The following FRMPD2 variants were observed in gnomAD, a reference collection of about 807,000 sequenced individuals.
FRMPD2 encodes the protein FERM and PDZ domain containing 2, also known as FERM and PDZ domain-containing protein 2.
In FRMPD2, 96 loss-of-function variants were observed where a neutral mutation model predicts 140.1. The observed-to-expected ratio is 0.69, with a 90% CI of 0.58 to 0.81. The LOEUF (loss-of-function observed/expected upper bound fraction) is 0.81. Among genes scored for constraint, FRMPD2 ranks in the 40% least tolerant of loss-of-function variants. The probability of loss-of-function intolerance (pLI) is 0.00; values close to 1 mark genes in which losing one functional copy is unlikely to be tolerated. For missense variants in FRMPD2, 1,240 were observed against 1,447.4 expected, an observed-to-expected ratio of 0.86 and a Z score of 2.32; for synonymous variants, 449 against 547.6, an observed-to-expected ratio of 0.82 and a Z score of 2.52.
At chr10:48,222,885 A>C (rs1436506690) in intron 11 of FRMPD2, among the ~76,000 whole-genome samples, 1 of 152,126 alleles carries the variant, frequency 6.6e-6, no homozygotes, top group Non-Finnish European at 1.5e-5. Context: ...CCTTGAGTGG[A>C]GTATGTCTGA....
chr10:48,199,631 A>T (rs1189657247), intron 15 of FRMPD2: 1 of 152,198 alleles, frequency 6.6e-6, no homozygotes, highest in African/African-American at 2.4e-5. Context: ...AAGGATTCCA[A>T]TCTAAACACA....
intron 7 of FRMPD2, among the ~76,000 whole-genome samples, chr10:48,238,905 G>A (rs1840031434): frequency 6.6e-6 from 1 of 152,230 alleles, no homozygotes. Context: ...CTTTAGGCCT[G>A]ATATGGCCAA....
intron 4 of FRMPD2, among the ~76,000 whole-genome samples, chr10:48,244,250 G>T (rs907074174): frequency 1.3e-5 from 2 of 152,206 alleles, no homozygotes; most frequent in African/African-American, 4.8e-5. Flanking sequence ...CTCCCAAAGT[G>T]CTGGGACTAT....
intron 20 of FRMPD2, among the ~76,000 whole-genome samples, chr10:48,183,762 G>A (rs1347316316): frequency 6.7e-6 from 1 of 149,556 alleles, no homozygotes; most frequent in East Asian, 2.0e-4. Flanking sequence ...TGAGGCAGGA[G>A]AATTGCTTGA....
Position 48,184,796 on chromosome 10 carries a change from T to A in FRMPD2, c.2445A>T (p.Glu815Asp). 1.9e-6 allele frequency: 3 copies of A among 1,613,600 alleles called. No homozygotes were observed. Among genetic ancestry groups the A allele is most frequent in the East Asian group, 4.5e-5 (2 of 44,840 alleles). The change falls in exon 19 of 29, where the codon GAA (glutamate) becomes GAT (aspartate). Residue 815 changes from glutamate (E) to aspartate (D), a missense_variant. By Grantham distance (45) the Glu-to-Asp change is conservative. Transcript: ENST00000374201. ...ISSIIPGGPA[E>D]KAKTIKPGGQ... is the part of the protein sequence containing the mutation. Reference sequence around the variant, plus strand: ...TACCTGGTTTGATCGTTTTTGCTTTTTCTGCTGGTCCTCCAGGTATAATAG... The same window carrying A: ...TACCTGGTTTGATCGTTTTTGCTTTATCTGCTGGTCCTCCAGGTATAATAG...
intron 8 of FRMPD2, among the ~76,000 whole-genome samples, chr10:48,236,942 T>A (rs1467619814): frequency 1.3e-5 from 2 of 152,214 alleles, no homozygotes; most frequent in Non-Finnish European, 2.9e-5. Flanking sequence ...TGAGCTGAAA[T>A]GTTTTCTAGC....
chr10:48,238,196 A>C (rs2131939815), intron 7 of FRMPD2, 73 bp from the exon 8 acceptor site: 6 of 1,526,368 alleles, frequency 3.9e-6, no homozygotes, highest in Non-Finnish European at 4.4e-6. Context: ...GACCACCCGC[A>C]CAGGGGCTCA....
At chr10:48,162,757 G>A (rs1176948227) in intron 28 of FRMPD2, among the ~76,000 whole-genome samples, 1 of 135,272 alleles carries the variant, frequency 7.4e-6, no homozygotes, top group Admixed American at 7.4e-5. Flanking sequence ...AATGTTGCAG[G>A]GTGGTCTTGA....
Position 48,184,547 on chromosome 10 carries a change from A to C in FRMPD2, c.2584+19T>G. 6.6e-7 allele frequency: 1 copy of C among 1,504,108 alleles called. No individual in the cohort carries two copies. The highest frequency in any genetic ancestry group is 9.3e-7 in the Non-Finnish European group (1 of 1,080,260). The allele number at this position is 1,504,108 out of a possible 1,614,324, so 93.2% of individuals were successfully genotyped here. A position where few individuals can be genotyped will look rare whatever the true frequency, so the allele number is the denominator to read the frequency against. ...AACAGGGGAGCCTCTTAAGCTCCCA[A>C]GAGTGGGTTAAAACATACCTTTTGA... On this transcript the variant is annotated intron_variant, in intron 20 of 28. Coordinates refer to ENST00000374201, the MANE Select transcript of FRMPD2 (RefSeq NM_001018071.4).
intron 1 of FRMPD2, among the ~76,000 whole-genome samples, chr10:48,272,121 A>G (rs1840779803): frequency 6.6e-6 from 1 of 152,192 alleles, no homozygotes; most frequent in Non-Finnish European, 1.5e-5. Flanking sequence ...TCATCTATTC[A>G]TGGTGTTCTT....
At position 48,157,105 on chromosome 10, in the gene FRMPD2, G is replaced by A. The variant is rs1347041624; in HGVS notation, c.*217C>T. 4.7e-5 allele frequency: 26 copies of A among 555,056 alleles called. No individual in the cohort carries two copies. Among genetic ancestry groups the A allele is most frequent in the East Asian group, 1.3e-4 (4 of 29,998 alleles). 34.4% of individuals were successfully genotyped at this position (555,056 alleles called of 1,614,324 possible). A position where few individuals can be genotyped will look rare whatever the true frequency, so the allele number is the denominator to read the frequency against. ...TGAAAATTTGCCTATTTAGAGATGC[G>A]GCAAGCTGAAGTGACATTTACTCCC... On this transcript the variant is annotated 3_prime_UTR_variant, in exon 29 of 29. Coordinates refer to ENST00000374201, the MANE Select transcript of FRMPD2 (RefSeq NM_001018071.4).
chr10:48,194,972 T>A (rs191305746), intron 15 of FRMPD2, among the ~76,000 whole-genome samples: 98 of 152,326 alleles, frequency 6.4e-4, no homozygotes, highest in Middle Eastern at 3.4e-3. Flanking sequence ...GTGGACAGTT[T>A]CTATTCCCTG....
chr10:48,206,888 A>G lies in FRMPD2; in HGVS notation c.1657T>C (p.Phe553Leu). Reference sequence around the variant, plus strand: ...TCTTCTGGCCTCCTCTTCTCTGAGAATACTTGGTGAACCAGCACACCGTAT... The same window carrying G: ...TCTTCTGGCCTCCTCTTCTCTGAGAGTACTTGGTGAACCAGCACACCGTAT... Reference protein sequence around the residue: ...PEYGVLVHQVFSEKRRPEEEM... With the variant: ...PEYGVLVHQVLSEKRRPEEEM... Residue 553 changes from phenylalanine to leucine, a missense_variant, in exon 14 of 29, where the codon TTC (phenylalanine) becomes CTC (leucine). Coordinates refer to ENST00000374201, the MANE Select transcript of FRMPD2 (RefSeq NM_001018071.4). 1 of 1,614,048 alleles carries G rather than the reference A, an allele frequency of 6.2e-7. No individual in the cohort carries two copies. Among genetic ancestry groups the G allele is most frequent in the East Asian group, 2.2e-5 (1 of 44,870 alleles).
chr10:48,227,186 C>T (rs557293073), intron 10 of FRMPD2, among the ~76,000 whole-genome samples: 2 of 152,308 alleles, frequency 1.3e-5, no homozygotes, highest in African/African-American at 4.8e-5. Context: ...TGAATTGTGA[C>T]TCTTGTGAAT....
intron 12 of FRMPD2, among the ~76,000 whole-genome samples, chr10:48,222,079 TAGAC>T (rs1451498149): frequency 2.0e-5 from 3 of 150,610 alleles, no homozygotes; most frequent in African/African-American, 2.4e-5. Context: ...GATGGAATGA[TAGAC>T]AGGTGAATAG....
chr10:48,248,838 T>C, intron 3 of FRMPD2, 183 bp downstream of exon 3: 1 of 469,362 alleles, frequency 2.1e-6, no homozygotes, highest in East Asian at 3.3e-5. Context: ...GGACTTGCCC[T>C]TGTCCATGAG....
At chr10:48,205,746 C>T (rs1839186091) in intron 14 of FRMPD2, among the ~76,000 whole-genome samples, 1 of 151,992 alleles carries the variant, frequency 6.6e-6, no homozygotes, top group Admixed American at 6.6e-5. Context: ...TTAAATTGTG[C>T]TCAATTATTA....
At chr10:48,225,682 G>T (rs538959992) in intron 10 of FRMPD2, among the ~76,000 whole-genome samples, 1 of 152,262 alleles carries the variant, frequency 6.6e-6, no homozygotes, top group South Asian at 2.1e-4. Flanking sequence ...GTCTCTCTTT[G>T]TTGTTATTTT....
intron 1 of FRMPD2, among the ~76,000 whole-genome samples, chr10:48,252,786 G>A (rs1357398366): frequency 6.6e-6 from 1 of 152,190 alleles, no homozygotes; most frequent in African/African-American, 2.4e-5. Flanking sequence ...TTACAGACAG[G>A]AAATAAGTCC....
Sources: allele counts gnomAD v4.1 joint callset (sites outside exome capture counted in the v4.1 genomes callset), GRCh38; gene constraint gnomAD v4.1.1; transcripts MANE v1.5; gene names NCBI Gene and HGNC (gene_info 2026-07-23, HGNC 2026-07-21).